Variants in TRIM9 observed in about 807,000 individuals in gnomAD.
TRIM9 encodes tripartite motif containing 9.
Under a neutral mutation model 78.3 loss-of-function variants are expected in TRIM9, and 26 were observed. The ratio of observed to expected loss-of-function variants is 0.33; its 90% CI spans 0.24 to 0.46. The LOEUF is 0.46. Ranked by LOEUF, TRIM9 falls within the 20% of genes least tolerant of loss-of-function variation. TRIM9 has a pLI of 1.00. For missense variants in TRIM9, 787 were observed against 1,036.4 expected, an observed-to-expected ratio of 0.76 and a Z score of 3.30; for synonymous variants, 398 against 416.5, an observed-to-expected ratio of 0.96 and a Z score of 0.54.
chr14:51,085,690 C>T (rs964195659), intron 1 of TRIM9, among the ~76,000 whole-genome samples: 1 of 152,178 alleles, frequency 6.6e-6, no homozygotes, highest in African/African-American at 2.4e-5. Context: ...AATAAAGATA[C>T]TTAAAATGCC....
rs150085086 is a variant in TRIM9, at chr14:50,997,570, A to T, written c.1603+480T>A. On this transcript the variant is annotated intron_variant, in intron 7 of 12. Transcript: ENST00000684578. ...CTCTAAACAGCTCTAGCACCCCACC[A>T]CCCATTTGAAACACATTCAGTCATA... is the stretch of plus-strand genomic sequence containing the variant. 1,090 of 1,001,002 alleles carry T rather than the reference A, an allele frequency of 1.1e-3. 30 individuals are homozygous for T. In the Admixed American group the frequency reaches 0.045, roughly 41 times the overall value. The allele number at this position is 1,001,002 out of a possible 1,614,324, so 62.0% of individuals were successfully genotyped here.
intron 1 of TRIM9, among the ~76,000 whole-genome samples, chr14:51,075,759 G>A (rs1455528880): frequency 2.0e-5 from 3 of 152,176 alleles, no homozygotes; most frequent in Admixed American, 2.0e-4. Context: ...CCCAAGGCGG[G>A]GAGTGGGTCT....
chr14:51,049,515 T>C (rs1377053187), intron 1 of TRIM9, among the ~76,000 whole-genome samples: 2 of 151,986 alleles, frequency 1.3e-5, no homozygotes, highest in Non-Finnish European at 2.9e-5. Flanking sequence ...ACAAATATAG[T>C]GTATGTGTAA....
intron 7 of TRIM9, among the ~76,000 whole-genome samples, chr14:50,987,613 C>G (rs2052886859): frequency 6.6e-6 from 1 of 152,052 alleles, no homozygotes; most frequent in African/African-American, 2.4e-5. Context: ...TCATTTCTTT[C>G]TTCAGATATG....
intron 1 of TRIM9, among the ~76,000 whole-genome samples, chr14:51,035,876 G>A (rs546697661): frequency 6.6e-6 from 1 of 152,284 alleles, no homozygotes; most frequent in East Asian, 1.9e-4. Context: ...GCCTAACAAC[G>A]CACATAAAAT....
intron 7 of TRIM9, among the ~76,000 whole-genome samples, chr14:50,993,379 T>A (rs994193757): frequency 5.3e-5 from 8 of 152,110 alleles, no homozygotes; most frequent in Admixed American, 2.6e-4. Context: ...CTCTTTTTTT[T>A]TTTTTTGAGA....
rs939126675 is a variant in TRIM9, at chr14:50,975,397, T to A, written c.*1894A>T. On this transcript the variant is annotated 3_prime_UTR_variant, in exon 13 of 13. Coordinates refer to ENST00000684578, the MANE Select transcript of TRIM9 (RefSeq NM_001387360.1). ...GTCACTAGAAATCTAATTAGCAGGA[T>A]GAATTTAATAAAGAACAAGAGGAAC... 6.6e-6 allele frequency: 1 copy of A among 152,670 alleles called. No individual in the cohort carries two copies. Among genetic ancestry groups the A allele is most frequent in the Non-Finnish European group, 1.5e-5 (1 of 68,042 alleles). The allele number at this position is 152,670 out of a possible 1,614,324, so 9.5% of individuals were successfully genotyped here. A position where few individuals can be genotyped will look rare whatever the true frequency, so the allele number is the denominator to read the frequency against.
At chr14:51,079,662 G>A (rs1340640117) in intron 1 of TRIM9, among the ~76,000 whole-genome samples, 2 of 152,176 alleles carry the variant, frequency 1.3e-5, no homozygotes, top group Admixed American at 1.3e-4. Flanking sequence ...TCAAGGAACT[G>A]TCAGCACTGG....
intron 1 of TRIM9, among the ~76,000 whole-genome samples, chr14:51,090,424 A>G (rs2064195841): frequency 1.3e-5 from 2 of 152,248 alleles, no homozygotes; most frequent in Admixed American, 6.5e-5. Context: ...CTGACAGTTT[A>G]TTTTAAAATA....
chr14:51,044,540 T>C (rs2059801671), intron 1 of TRIM9, among the ~76,000 whole-genome samples: 1 of 152,190 alleles, frequency 6.6e-6, no homozygotes, highest in African/African-American at 2.4e-5. Context: ...TTCTGCCCTC[T>C]GAGTCATGGC....
chr14:51,010,462 C>T lies in TRIM9; in HGVS notation c.1074G>A (p.Val358=), dbSNP rs746197892. 2.5e-6 allele frequency: 4 copies of T among 1,613,804 alleles called. No individual in the cohort carries two copies. Among genetic ancestry groups the T allele is most frequent in the Non-Finnish European group, 3.4e-6 (4 of 1,179,910 alleles). ...TGAGACCTGTGGTCTGGCGCAATTT[C>T]ACTGTGCAGTGAGAGATCTGATCTC... ...VVRDQISHCT[V]KLRQTTGLME... Residue 358 remains valine, a synonymous_variant, in exon 4 of 13, where the codon GTG becomes GTA. Transcript: ENST00000684578.
At position 50,997,822 on chromosome 14, in the gene TRIM9, G is replaced by A. The variant is rs188312858; in HGVS notation, c.1603+228C>T. The A allele has an allele frequency of 2.0e-5, 27 of 1,378,954 alleles. No homozygotes were observed. In the East Asian group the frequency reaches 2.0e-4, roughly 10 times the overall value. The allele number at this position is 1,378,954 out of a possible 1,614,324, so 85.4% of individuals were successfully genotyped here. A position where few individuals can be genotyped will look rare whatever the true frequency, so the allele number is the denominator to read the frequency against. On this transcript the variant is annotated intron_variant, in intron 7 of 12. Transcript: ENST00000684578. ...ATTTAGATTGTTATCAAAGGAAGCC[G>A]CCGGCCCAAGCCATTGGAACTGCCG...
intron 1 of TRIM9, among the ~76,000 whole-genome samples, chr14:51,038,462 T>C (rs930930577): frequency 1.3e-5 from 2 of 152,096 alleles, no homozygotes; most frequent in Non-Finnish European, 2.9e-5. Flanking sequence ...CCTTTGGCGG[T>C]GGTCGGATTG....
At chr14:51,008,789 G>A (rs956040097) in intron 5 of TRIM9, among the ~76,000 whole-genome samples, 1 of 152,138 alleles carries the variant, frequency 6.6e-6, no homozygotes, top group African/African-American at 2.4e-5. Flanking sequence ...TTTTATTTAT[G>A]TATTGTGATG....
chr14:51,088,070 T>C (rs903590201), intron 1 of TRIM9, among the ~76,000 whole-genome samples: 2 of 152,260 alleles, frequency 1.3e-5, no homozygotes, highest in Non-Finnish European at 2.9e-5. Flanking sequence ...CTTTGACTTT[T>C]AATGTTTAAA....
At chr14:51,029,645 AAT>A (rs1452246169) in intron 1 of TRIM9, among the ~76,000 whole-genome samples, 13 of 152,190 alleles carry the variant, frequency 8.5e-5, no homozygotes, top group Admixed American at 2.6e-4. Context: ...AAATTCTAAT[AAT>A]TGTAAGCAAG....
intron 7 of TRIM9, chr14:50,996,643 T>G: frequency 1.0e-6 from 1 of 985,474 alleles, no homozygotes; most frequent in South Asian, 4.7e-5. Flanking sequence ...CCTTCTGCGT[T>G]GCATCTAGGA....
chr14:51,022,724 G>C, intron 3 of TRIM9, 111 bp downstream of exon 3: 11 of 1,512,142 alleles, frequency 7.3e-6, no homozygotes, highest in Non-Finnish European at 9.8e-6. Context: ...ACCCAAGGCT[G>C]TGGGCATCCT....
intron 1 of TRIM9, among the ~76,000 whole-genome samples, chr14:51,056,333 G>A (rs932550609): frequency 6.6e-6 from 1 of 152,078 alleles, no homozygotes; most frequent in Non-Finnish European, 1.5e-5. Flanking sequence ...TGTTAACTGT[G>A]GGTCCAACCC....
Sources: allele counts gnomAD v4.1 joint callset (sites outside exome capture counted in the v4.1 genomes callset), GRCh38; gene constraint gnomAD v4.1.1; transcripts MANE v1.5; gene names NCBI Gene and HGNC (gene_info 2026-07-23, HGNC 2026-07-21).